The following MAPKBP1 variants were observed in gnomAD, a reference collection of about 807,000 sequenced individuals.
MAPKBP1 encodes mitogen-activated protein kinase-binding protein 1.
A neutral mutation model predicts 170.5 loss-of-function variants in MAPKBP1; 71 were observed. That is an observed-to-expected ratio of 0.42 (90% confidence interval 0.34 to 0.51). The LOEUF is 0.51. MAPKBP1 is among the 20% of genes least tolerant of loss of function. The pLI, the probability that MAPKBP1 is intolerant of heterozygous loss-of-function variation, is 0.06. For missense variants in MAPKBP1, 1,598 were observed against 1,933.0 expected, an observed-to-expected ratio of 0.83 and a Z score of 3.25; for synonymous variants, 719 against 757.9, an observed-to-expected ratio of 0.95 and a Z score of 0.84.
rs762598156 is a variant in MAPKBP1 at position 41,824,502 on chromosome 15, A to G, written c.4232A>G (p.Glu1411Gly). 2 of 1,600,070 alleles carry G rather than the reference A, an allele frequency of 1.2e-6. No homozygotes were observed. The highest frequency in any genetic ancestry group is 2.3e-5 in the South Asian group (2 of 88,418). ...CTTTCAGAGCCAGCGGTGAGCCTGGAGCAGTGTGAGCAGCTGGTGGCAGAG... is the reference window on the plus strand; with the variant it reads ...CTTTCAGAGCCAGCGGTGAGCCTGGGGCAGTGTGAGCAGCTGGTGGCAGAG... The part of the protein sequence containing the change: ...SQDSEPAVSL[E>G]QCEQLVAELR... The change falls in exon 30 of 31, where the codon GAG (glutamate) becomes GGG (glycine). Residue 1411 changes from glutamate to glycine, a missense_variant. This residue lies in a region of MAPKBP1 where 942 missense variants were observed against 953.2 expected (regional missense o/e 0.99). Coordinates refer to ENST00000457542, the MANE Select transcript of MAPKBP1 (RefSeq NM_014994.3).
rs147620917 is a variant in MAPKBP1 at position 41,820,869 on chromosome 15, C to A, written c.2519C>A (p.Ala840Glu). 186 of 1,614,010 alleles carry A rather than the reference C, an allele frequency of 1.2e-4. No homozygotes were observed. In the African/African-American group the frequency reaches 2.2e-3, roughly 19 times the overall value. Residue 840 changes from alanine to glutamate, a missense_variant, in exon 23 of 31, where the codon GCA becomes GAA. Ala to Glu is a moderately radical substitution (Grantham distance 107, BLOSUM62 -1). Around this residue, in one of 6 missense-constraint regions of MAPKBP1, gnomAD observed 942 missense variants for 953.2 expected, o/e 0.99. Coordinates refer to ENST00000457542, the MANE Select transcript of MAPKBP1 (RefSeq NM_014994.3). ...ESVGFLDPAP[A>E]ANPGPRRRGR... ...GTGGGGTTCCTGGACCCAGCTCCTG[C>A]AGCCAACCCAGGACCCAGAAGAAGA...
At chr15:41,801,849 T>TA (rs1265891162) in intron 3 of MAPKBP1, among the ~76,000 whole-genome samples, 5 of 150,714 alleles carry the variant, frequency 3.3e-5, no homozygotes, top group South Asian at 2.1e-4. Flanking sequence ...GACTCTGTCT[T>TA]AAAAAAAAAC....
Position 41,822,269 on chromosome 15 carries a change from G to A in MAPKBP1, c.3076G>A (p.Asp1026Asn), listed in dbSNP as rs1158151195. Residue 1026 changes from aspartate (D) to asparagine (N), a missense_variant, in exon 26 of 31, where the codon GAC becomes AAC. Transcript: ENST00000457542. ...EPLSVDGISS[D>N]LEEPAEGDEE... ...CCTCAGTGTGGATGGCATCTCCTCA[G>A]ACCTTGAAGAGCCAGCTGAGGGTGA... The A allele has an allele frequency of 3.1e-6, 5 of 1,614,082 alleles. No individual in the cohort carries two copies. Among genetic ancestry groups the A allele is most frequent in the Non-Finnish European group, 4.2e-6 (5 of 1,180,010 alleles).
At chr15:41,785,933 C>G (rs2064279062) in intron 2 of MAPKBP1, among the ~76,000 whole-genome samples, 1 of 152,130 alleles carries the variant, frequency 6.6e-6, no homozygotes, top group Non-Finnish European at 1.5e-5. Flanking sequence ...GAAGGTGTAT[C>G]TAATTGAATT....
chr15:41,819,555 G>GGT (rs1555454091), intron 21 of MAPKBP1, 40 bp from the exon 22 acceptor site: 16 of 1,481,974 alleles, frequency 1.1e-5, no homozygotes, highest in East Asian at 2.2e-5. Context: ...GGCGGGGGGG[G>GGT]GGCAGGAGAC....
chr15:41,791,924 G>A (rs1039521612), intron 2 of MAPKBP1, among the ~76,000 whole-genome samples: 4 of 151,816 alleles, frequency 2.6e-5, no homozygotes, highest in Admixed American at 6.6e-5. Flanking sequence ...GTGTGGTGGC[G>A]CATGCCTGTA....
chr15:41,783,032 G>A (rs2064217539), intron 2 of MAPKBP1, among the ~76,000 whole-genome samples: 1 of 152,206 alleles, frequency 6.6e-6, no homozygotes, highest in South Asian at 2.1e-4. Flanking sequence ...TGAATGTCAG[G>A]TTGGCAGGGT....
intron 3 of MAPKBP1, among the ~76,000 whole-genome samples, chr15:41,810,496 C>G (rs2064783386): frequency 7.0e-6 from 1 of 143,438 alleles, no homozygotes; most frequent in African/African-American, 2.6e-5. Flanking sequence ...CACTTGAGTT[C>G]AAGAGTTTGG....
intron 2 of MAPKBP1, among the ~76,000 whole-genome samples, chr15:41,788,436 A>G (rs16972068): frequency 6.6e-6 from 1 of 152,188 alleles, no homozygotes; most frequent in Non-Finnish European, 1.5e-5. Flanking sequence ...GAAGTTCTTT[A>G]CAAGGTTCTA....
Position 41,823,713 on chromosome 15 carries a change from C to T in MAPKBP1, c.3865C>T (p.His1289Tyr), listed in dbSNP as rs759163587. ...LSKLALPSRAHLVLDIPKPLP... is the reference protein window; with the variant it reads ...LSKLALPSRAYLVLDIPKPLP... ...CAAGCTGGCCCTGCCCAGCCGGGCT[C>T]ACCTGGTCCTGGACATCCCCAAACC... The change falls in exon 29 of 31, where the codon CAC (histidine) becomes TAC (tyrosine). Residue 1289 changes from histidine to tyrosine, a missense_variant. His to Tyr is a moderately conservative substitution (Grantham distance 83). This residue lies in a region of MAPKBP1 where 942 missense variants were observed against 953.2 expected (regional missense o/e 0.99). Coordinates refer to ENST00000457542, the MANE Select transcript of MAPKBP1 (RefSeq NM_014994.3). 4 of 1,614,208 alleles carry T rather than the reference C, an allele frequency of 2.5e-6. No homozygotes were observed. The highest frequency in any genetic ancestry group is 1.1e-5 in the South Asian group (1 of 91,076).
intron 2 of MAPKBP1, among the ~76,000 whole-genome samples, chr15:41,777,230 A>G (rs2064113024): frequency 6.6e-6 from 1 of 151,620 alleles, no homozygotes; most frequent in Non-Finnish European, 1.5e-5. Context: ...AATCCCAGCT[A>G]CTCGGGAGGC....
intron 2 of MAPKBP1, 54 bp downstream of exon 2, chr15:41,775,443 T>G: frequency 3.0e-6 from 4 of 1,314,010 alleles, no homozygotes; most frequent in Non-Finnish European, 3.3e-6. Flanking sequence ...CTGCTCCATG[T>G]TCCTCGTTAA....
rs369439925 is a variant in MAPKBP1, at chr15:41,818,288, C to A, written c.2075C>A (p.Thr692Asn). The change falls in exon 18 of 31, where the codon ACC becomes AAC. Residue 692 changes from threonine (T) to asparagine (N), a missense_variant. By Grantham distance (65) the Thr-to-Asn change is moderately conservative. Coordinates refer to ENST00000457542, the MANE Select transcript of MAPKBP1 (RefSeq NM_014994.3). This position sits in a 1 kb window ranked among gnomAD's most constrained non-coding sequence, Gnocchi z 5.2. ...TTCTCCTCAGGCGAGTGCGTGGCCACCATGTTTGGCCACTCAGGTGAGTGT... is the reference window on the plus strand; with the variant it reads ...TTCTCCTCAGGCGAGTGCGTGGCCAACATGTTTGGCCACTCAGGTGAGTGT... Reference protein sequence around the residue: ...FDFSSGECVATMFGHSEIVTG... With the variant: ...FDFSSGECVANMFGHSEIVTG... 4.3e-6 allele frequency: 7 copies of A among 1,613,822 alleles called. No homozygotes were observed. The highest frequency in any genetic ancestry group is 5.9e-6 in the Non-Finnish European group (7 of 1,179,748).
chr15:41,817,621 A>T lies in MAPKBP1; in HGVS notation c.1790A>T (p.Asp597Val). ...CATGCTCCACCCCTGCAGTCTGGAG[A>T]TGGAGTGCAGTTCACACGGACACAC... is the stretch of plus-strand genomic sequence containing the variant. ...IYFRTAQKSGDGVQFTRTHHV... is the reference protein window; with the variant it reads ...IYFRTAQKSGVGVQFTRTHHV... Residue 597 changes from aspartate to valine, a missense_variant, in exon 16 of 31, where the codon GAT becomes GTT. Asp to Val is a radical substitution (Grantham distance 152). Around this residue, in one of 6 missense-constraint regions of MAPKBP1, gnomAD observed 430 missense variants for 617.2 expected, o/e 0.70. Coordinates refer to ENST00000457542, the MANE Select transcript of MAPKBP1 (RefSeq NM_014994.3). The surrounding 1 kb of genome is among the most constrained non-coding windows in gnomAD (Gnocchi z 4.2). The T allele has an allele frequency of 6.2e-7, 1 of 1,614,074 alleles. No homozygotes were observed. Among genetic ancestry groups the T allele is most frequent in the Non-Finnish European group, 8.5e-7 (1 of 1,179,998 alleles).
chr15:41,807,432 C>T (rs765836712), intron 3 of MAPKBP1, among the ~76,000 whole-genome samples: 1 of 152,206 alleles, frequency 6.6e-6, no homozygotes, highest in Non-Finnish European at 1.5e-5. Flanking sequence ...GCAAATAGAT[C>T]CCAGTTTTTC....
At position 41,822,288 on chromosome 15, in the gene MAPKBP1, A is replaced by G; in HGVS notation, c.3095A>G (p.Glu1032Gly). The change falls in exon 26 of 31, where the codon GAG (glutamate) becomes GGG (glycine). Residue 1032 changes from glutamate to glycine, a missense_variant. Glu to Gly is a moderately conservative substitution (Grantham distance 98). Coordinates refer to ENST00000457542, the MANE Select transcript of MAPKBP1 (RefSeq NM_014994.3). ...TCCTCAGACCTTGAAGAGCCAGCTG[A>G]GGGTGATGAAGAAGAGGAAGAAGAG... is the stretch of plus-strand genomic sequence containing the variant. ...GISSDLEEPA[E>G]GDEEEEEEEG... The G allele has an allele frequency of 6.2e-7, 1 of 1,613,990 alleles. No individual in the cohort carries two copies. The highest frequency in any genetic ancestry group is 1.1e-5 in the South Asian group (1 of 91,084).
Position 41,813,491 on chromosome 15 carries a change from A to G in MAPKBP1, c.820-130A>G. The G allele has an allele frequency of 4.2e-6, 6 of 1,417,636 alleles. No homozygotes were observed. The South Asian group carries it at 7.2e-5, about 17-fold the overall frequency. 87.8% of individuals were successfully genotyped at this position (1,417,636 alleles called of 1,614,324 possible). A position where few individuals can be genotyped will look rare whatever the true frequency, so the allele number is the denominator to read the frequency against. On this transcript the variant is annotated intron_variant, in intron 8 of 30. Coordinates refer to ENST00000457542, the MANE Select transcript of MAPKBP1 (RefSeq NM_014994.3). ...AGGGCTGAGGGGCTCAGAACAGGGCAGCTGGGCGGCTTTTCCCTTGCCCCT... is the reference window on the plus strand; with the variant it reads ...AGGGCTGAGGGGCTCAGAACAGGGCGGCTGGGCGGCTTTTCCCTTGCCCCT...
At chr15:41,801,305 G>T (rs2152074554) in intron 3 of MAPKBP1, among the ~76,000 whole-genome samples, 1 of 152,202 alleles carries the variant, frequency 6.6e-6, no homozygotes, top group South Asian at 2.1e-4. Context: ...CCTACAAGTG[G>T]GAAACCTCCA....
chr15:41,786,781 T>A (rs199991567), intron 2 of MAPKBP1, among the ~76,000 whole-genome samples: 7,789 of 45,302 alleles, frequency 0.17, 635 homozygotes, highest in South Asian at 0.22. Context: ...AAAAAAAATA[T>A]ATATATATAT....
Sources: gnomAD v4.1 joint callset for allele counts (sites outside exome capture counted in the v4.1 genomes callset) on GRCh38, gnomAD v4.1.1 for gene constraint, gnomAD v4.1.1 regional missense constraint, Gnocchi (gnomAD v3.1) non-coding constraint, MANE v1.5 for transcripts, NCBI Gene and HGNC (gene_info 2026-07-23, HGNC 2026-07-21) for gene names.